DROSHA: variants seen among roughly 807,000 people sequenced by gnomAD.
DROSHA encodes drosha ribonuclease III, also known as ribonuclease 3.
In DROSHA, 56 loss-of-function variants were observed where a neutral mutation model predicts 181.9. That is an observed-to-expected ratio of 0.31 (90% CI 0.25 to 0.38). The LOEUF (loss-of-function observed/expected upper bound fraction) is 0.38. Among genes scored for constraint, DROSHA ranks in the 10% least tolerant of loss-of-function variants. DROSHA has a pLI of 1.00. For synonymous variants in DROSHA, 524 were observed against 591.2 expected (o/e 0.89, Z 1.65); for missense variants, 1,218 against 1,743.5 (o/e 0.70, Z 5.37).
At chr5:31,428,159 A>C (rs549497086) in intron 27 of DROSHA, among the ~76,000 whole-genome samples, 14 of 152,292 alleles carry the variant, frequency 9.2e-5, no homozygotes, top group African/African-American at 3.4e-4. Flanking sequence ...TTAAAGAGAA[A>C]AGAATCTAAA....
intron 16 of DROSHA, among the ~76,000 whole-genome samples, chr5:31,474,886 C>T (rs1750188371): frequency 6.6e-6 from 1 of 152,164 alleles, no homozygotes; most frequent in African/African-American, 2.4e-5. Context: ...CACGATGATG[C>T]CCTGATCTCA....
chr5:31,464,382 A>C (rs1748771436), intron 19 of DROSHA, 39 bp from the exon 20 acceptor site: 2 of 1,577,772 alleles, frequency 1.3e-6, no homozygotes, highest in Admixed American at 1.7e-5. Flanking sequence ...CACAACTGCT[A>C]TAAAGCAATA....
chr5:31,525,503 C>CAAAAAAA (rs397970711), intron 5 of DROSHA, among the ~76,000 whole-genome samples: 2 of 36,152 alleles, frequency 5.5e-5, no homozygotes, highest in Non-Finnish European at 1.1e-4. Flanking sequence ...GATTCTGTCA[C>CAAAAAAA]AAAAAAAAAA....
chr5:31,453,861 A>G (rs898184093), intron 20 of DROSHA, among the ~76,000 whole-genome samples: 8 of 152,032 alleles, frequency 5.3e-5, no homozygotes, highest in Admixed American at 4.6e-4. Context: ...AAAAGTATCA[A>G]TCTTTGCAAT....
intron 12 of DROSHA, among the ~76,000 whole-genome samples, chr5:31,493,925 T>C (rs1752662190): frequency 7.0e-6 from 1 of 142,934 alleles, no homozygotes; most frequent in South Asian, 2.3e-4. Flanking sequence ...ATGCCATTCT[T>C]ATAACCCACC....
Position 31,409,389 on chromosome 5 carries a change from A to G in DROSHA, c.3668-57T>C. On this transcript the variant is annotated intron_variant, in intron 31 of 35. Coordinates refer to ENST00000344624, the MANE Select transcript of DROSHA (RefSeq NM_001382508.1). This position sits in a 1 kb window ranked among gnomAD's most constrained non-coding sequence, Gnocchi z 4.0. ...ACAATCACTGCCATCTATCAGAAAG[A>G]GTAAGAGACCTAGACCTTTAAGCAA... 6.6e-7 allele frequency: 1 copy of G among 1,524,042 alleles called. No individual in the cohort carries two copies. The allele number at this position is 1,524,042 out of a possible 1,614,324, so 94.4% of individuals were successfully genotyped here.
chr5:31,436,741 AACACACACAC>A (rs58046266), intron 24 of DROSHA, among the ~76,000 whole-genome samples: 16,647 of 137,644 alleles, frequency 0.12, 1,183 homozygotes, highest in East Asian at 0.27. Context: ...TCTGGAGAGA[AACACACACAC>A]ACACACACAC....
intron 23 of DROSHA, among the ~76,000 whole-genome samples, chr5:31,440,355 A>G (rs1745414750): frequency 6.6e-6 from 1 of 152,276 alleles, no homozygotes; most frequent in Non-Finnish European, 1.5e-5. Context: ...TATTTAAAGT[A>G]TCCCTATAGT....
intron 10 of DROSHA, 99 bp from the exon 11 acceptor site, chr5:31,504,734 G>A (rs753277939): frequency 7.3e-6 from 9 of 1,227,858 alleles, no homozygotes; most frequent in African/African-American, 3.0e-5. Flanking sequence ...TGTCATGAGC[G>A]CTGAAGCTCT....
At chr5:31,492,289 G>A (rs1752516548) in intron 13 of DROSHA, among the ~76,000 whole-genome samples, 1 of 152,162 alleles carries the variant, frequency 6.6e-6, no homozygotes, top group Non-Finnish European at 1.5e-5. Context: ...TCACTGCTAT[G>A]GAATCATATC....
intron 26 of DROSHA, among the ~76,000 whole-genome samples, chr5:31,430,912 C>A (rs1039897093): frequency 6.6e-6 from 1 of 152,068 alleles, no homozygotes. Flanking sequence ...AAAAAAAAAT[C>A]AAGTTGTCAA....
chr5:31,506,313 A>C (rs1320426472), intron 10 of DROSHA, among the ~76,000 whole-genome samples: 2 of 151,110 alleles, frequency 1.3e-5, no homozygotes, highest in Non-Finnish European at 2.9e-5. Context: ...CAGCGAGCTG[A>C]GATTGTACCA....
chr5:31,430,794 A>G (rs1744082285), intron 26 of DROSHA, among the ~76,000 whole-genome samples: 1 of 152,236 alleles, frequency 6.6e-6, no homozygotes, highest in Non-Finnish European at 1.5e-5. Context: ...CACTATCATC[A>G]GCATGAAACT....
intron 20 of DROSHA, among the ~76,000 whole-genome samples, chr5:31,460,247 C>G (rs1561196510): frequency 6.6e-6 from 1 of 152,148 alleles, no homozygotes. Context: ...CAAGCAGCAA[C>G]ACAGAAAAAA....
chr5:31,497,928 A>C (rs958854150), intron 11 of DROSHA, among the ~76,000 whole-genome samples: 2 of 152,224 alleles, frequency 1.3e-5, no homozygotes, highest in African/African-American at 4.8e-5. Flanking sequence ...ATAGCCAGGG[A>C]CTTAGATGAC....
chr5:31,492,320 A>AT (rs1212329233), intron 13 of DROSHA, among the ~76,000 whole-genome samples: 10 of 152,244 alleles, frequency 6.6e-5, no homozygotes, highest in African/African-American at 2.4e-4. Context: ...GAAAAAAAGA[A>AT]TGACAAAAAG....
chr5:31,411,011 A>G lies in DROSHA; in HGVS notation c.3526-124T>C. ...AGGGACACCAAAATAAGTGAGGTCTATGGCCTCAACCATCACCCAGATGAC... is the reference window on the plus strand; with the variant it reads ...AGGGACACCAAAATAAGTGAGGTCTGTGGCCTCAACCATCACCCAGATGAC... On this transcript the variant is annotated intron_variant, in intron 30 of 35. Transcript: ENST00000344624. The surrounding 1 kb of genome is among the most constrained non-coding windows in gnomAD (Gnocchi z 4.2). 2 of 1,357,926 alleles carry G rather than the reference A, an allele frequency of 1.5e-6. No individual in the cohort carries two copies. Among genetic ancestry groups the G allele is most frequent in the Non-Finnish European group, 2.0e-6 (2 of 990,888 alleles). 84.1% of individuals were successfully genotyped at this position (1,357,926 alleles called of 1,614,324 possible).
At chr5:31,449,762 G>C (rs116091006) in intron 21 of DROSHA, among the ~76,000 whole-genome samples, 199 of 152,142 alleles carry the variant, frequency 1.3e-3, no homozygotes, top group African/African-American at 4.6e-3. Flanking sequence ...CAGCATGGGA[G>C]CACCATCTTT....
chr5:31,417,818 C>T (rs1036042995), intron 30 of DROSHA, among the ~76,000 whole-genome samples: 3 of 152,056 alleles, frequency 2.0e-5, no homozygotes, highest in African/African-American at 7.2e-5. Context: ...GATGAAAGGC[C>T]AGCGTAGATT....
Sources: allele counts gnomAD v4.1 joint callset (sites outside exome capture counted in the v4.1 genomes callset), GRCh38; gene constraint gnomAD v4.1.1; non-coding constraint Gnocchi (gnomAD v3.1); transcripts MANE v1.5; gene names NCBI Gene and HGNC (gene_info 2026-07-23, HGNC 2026-07-21).